Variants in PAM observed in about 807,000 individuals in gnomAD.
The protein encoded by PAM is peptidyl-glycine alpha-amidating monooxygenase.
PAM carries 72 observed loss-of-function variants against 122.1 expected under a neutral mutation model. The observed-to-expected ratio is 0.59, with a 90% CI of 0.49 to 0.72. PAM has a LOEUF of 0.72. Among genes scored for constraint, PAM ranks in the 30% least tolerant of loss-of-function variants. The pLI, the probability that PAM is intolerant of heterozygous loss-of-function variation, is 0.00. For synonymous variants in PAM, 389 were observed against 404.4 expected (o/e 0.96, Z 0.46); for missense variants, 1,106 against 1,183.7 (o/e 0.93, Z 0.96).
chr5:102,757,291 A>C (rs1750697210), intron 1 of PAM, among the ~76,000 whole-genome samples: 1 of 152,060 alleles, frequency 6.6e-6, no homozygotes, highest in Non-Finnish European at 1.5e-5. Flanking sequence ...CACTCCACAC[A>C]CTCCAGCCCT....
intron 15 of PAM, among the ~76,000 whole-genome samples, chr5:102,980,084 G>T (rs1769244744): frequency 2.0e-5 from 3 of 152,028 alleles, no homozygotes; most frequent in African/African-American, 7.2e-5. Context: ...ATTGTTTCCA[G>T]TAATATGTTC....
At chr5:102,943,523 A>T (rs538492736) in intron 7 of PAM, among the ~76,000 whole-genome samples, 1 of 152,244 alleles carries the variant, frequency 6.6e-6, no homozygotes, top group South Asian at 2.1e-4. Flanking sequence ...TTAACCTTGG[A>T]AGTCTCTAAG....
intron 1 of PAM, among the ~76,000 whole-genome samples, chr5:102,779,918 T>TATATATACACACAC (rs147065045): frequency 0.053 from 4,991 of 94,578 alleles, 226 homozygotes; most frequent in East Asian, 0.1. Context: ...TATATATATA[T>TATATATACACACAC]ACACACATAT....
intron 5 of PAM, among the ~76,000 whole-genome samples, chr5:102,924,091 T>C (rs1379005433): frequency 6.6e-6 from 1 of 152,152 alleles, no homozygotes; most frequent in Non-Finnish European, 1.5e-5. Flanking sequence ...TATTAATGCA[T>C]TCCAGTATTC....
intron 1 of PAM, among the ~76,000 whole-genome samples, chr5:102,811,975 G>C (rs750896584): frequency 6.6e-6 from 1 of 152,194 alleles, no homozygotes; most frequent in Non-Finnish European, 1.5e-5. Flanking sequence ...AAACAAAACT[G>C]ATTTGGGACT....
At chr5:102,873,411 C>G (rs747411664) in intron 3 of PAM, 1 of 152,166 alleles carries the variant, frequency 6.6e-6, no homozygotes, top group Non-Finnish European at 1.5e-5. Context: ...CCAAGCTCTT[C>G]GCGAAGCAGC....
Position 102,991,865 on chromosome 5 carries a change from G to A in PAM, c.1613+1464G>A, listed in dbSNP as rs1774182383. 2.6e-5 allele frequency among the ~76,000 whole-genome samples: 4 copies of A among 152,226 alleles called. No homozygotes were observed. The South Asian group carries it at 8.3e-4, about 32-fold the overall frequency. On this transcript the variant is annotated intron_variant, in intron 16 of 25. Transcript: ENST00000438793. Reference sequence around the variant, plus strand: ...ATAGTAGCATATTCTTCATTTTAATGAATATTGCTACATTTTCTGCATGGA... The same window carrying A: ...ATAGTAGCATATTCTTCATTTTAATAAATATTGCTACATTTTCTGCATGGA...
intron 16 of PAM, among the ~76,000 whole-genome samples, chr5:102,999,091 G>A (rs6868126): frequency 0.023 from 3,537 of 152,214 alleles, 136 homozygotes; most frequent in African/African-American, 0.081. Flanking sequence ...CCACCAGATC[G>A]CATGAGAACC....
intron 21 of PAM, among the ~76,000 whole-genome samples, chr5:103,010,587 A>G (rs897594598): frequency 1.3e-5 from 2 of 152,208 alleles, no homozygotes; most frequent in African/African-American, 4.8e-5. Flanking sequence ...CTAAAATGCT[A>G]CAAATAAGTG....
At chr5:102,845,403 C>T (rs1481060847) in intron 1 of PAM, among the ~76,000 whole-genome samples, 2 of 152,124 alleles carry the variant, frequency 1.3e-5, no homozygotes, top group African/African-American at 4.8e-5. Context: ...AGAGTCAAAG[C>T]ATAATGTTAA....
intron 11 of PAM, among the ~76,000 whole-genome samples, chr5:102,950,514 G>A (rs1436422020): frequency 1.3e-5 from 2 of 151,696 alleles, no homozygotes; most frequent in African/African-American, 4.8e-5. Flanking sequence ...ATGGGGTTCT[G>A]TGATATATCA....
Position 102,948,461 on chromosome 5 carries a change from T to C in PAM, c.643+16T>C. On this transcript the variant is annotated intron_variant, in intron 9 of 25. Coordinates refer to ENST00000438793, the MANE Select transcript of PAM (RefSeq NM_001177306.2). ...GGAGAAAAAGGTGAGTAATGATTTT[T>C]TAATATTTACCATTACCTCATTACC... 4 of 1,340,506 alleles carry C rather than the reference T, an allele frequency of 3.0e-6. No homozygotes were observed. Among genetic ancestry groups the C allele is most frequent in the Non-Finnish European group, 4.3e-6 (4 of 933,570 alleles). 83.0% of individuals were successfully genotyped at this position (1,340,506 alleles called of 1,614,324 possible). A position where few individuals can be genotyped will look rare whatever the true frequency, so the allele number is the denominator to read the frequency against.
Position 103,009,751 on chromosome 5 carries a change from G to T in PAM, c.2216G>T (p.Gly739Val), listed in dbSNP as rs1231009331. ...RNVFAISYIP[G>V]LLFAVNGKPH... The stretch of plus-strand genomic sequence containing the variant: ...AGGTTAACTGGATTTGCTGTTGCAG[G>T]CTTGCTCTTTGCAGTGAATGGGAAG... Residue 739 changes from glycine to valine, a missense_variant and splice_region_variant, in exon 21 of 26, where the codon GGC becomes GTC. Around this residue, in one of 3 missense-constraint regions of PAM, gnomAD observed 333 missense variants for 335.6 expected, o/e 0.99. Transcript: ENST00000438793. 1 of 1,563,506 alleles carries T rather than the reference G, an allele frequency of 6.4e-7. No individual in the cohort carries two copies.
At chr5:102,891,106 A>G (rs1010627571) in intron 3 of PAM, among the ~76,000 whole-genome samples, 3 of 151,934 alleles carry the variant, frequency 2.0e-5, no homozygotes, top group Admixed American at 6.6e-5. Context: ...TTATAGGATC[A>G]AATCCTTTAT....
chr5:102,973,533 T>C (rs1383283927), intron 14 of PAM, among the ~76,000 whole-genome samples: 1 of 152,196 alleles, frequency 6.6e-6, no homozygotes, highest in Non-Finnish European at 1.5e-5. Context: ...TTTTCTCACT[T>C]GCTCATTTTT....
intron 1 of PAM, among the ~76,000 whole-genome samples, chr5:102,777,847 C>T (rs1040280979): frequency 6.6e-6 from 1 of 152,014 alleles, no homozygotes; most frequent in South Asian, 2.1e-4. Flanking sequence ...TCTGTTTTTA[C>T]GGATTATAAA....
chr5:102,967,784 C>A (rs1252315123), intron 14 of PAM, among the ~76,000 whole-genome samples: 1 of 145,716 alleles, frequency 6.9e-6, no homozygotes. Flanking sequence ...GGCACTATCT[C>A]AGCTCACAGC....
chr5:102,806,359 T>C (rs1230467321), intron 1 of PAM, among the ~76,000 whole-genome samples: 1 of 152,220 alleles, frequency 6.6e-6, no homozygotes, highest in African/African-American at 2.4e-5. Context: ...TTTCCATTGT[T>C]TGAATTACAA....
At chr5:102,758,623 C>T (rs994682328) in intron 1 of PAM, among the ~76,000 whole-genome samples, 2 of 152,156 alleles carry the variant, frequency 1.3e-5, no homozygotes, top group Non-Finnish European at 2.9e-5. Context: ...CATCATGTAT[C>T]CCTACAATTT....
Sources: allele counts gnomAD v4.1 joint callset (sites outside exome capture counted in the v4.1 genomes callset), GRCh38; gene constraint gnomAD v4.1.1; regional missense constraint gnomAD v4.1.1; transcripts MANE v1.5; gene names NCBI Gene and HGNC (gene_info 2026-07-23, HGNC 2026-07-21).